The following SPTLC3 variants were observed in gnomAD, a reference collection of about 807,000 sequenced individuals.
The protein encoded by SPTLC3 is serine palmitoyltransferase long chain base subunit 3.
Under a neutral mutation model 59.3 loss-of-function variants are expected in SPTLC3, and 36 were observed. That is an observed-to-expected ratio of 0.61 (90% CI 0.47 to 0.80). The LOEUF is 0.80. Ranked by LOEUF, SPTLC3 falls within the 30% of genes least tolerant of loss-of-function variation. SPTLC3 has a pLI of 0.00. For missense variants in SPTLC3, 625 were observed against 685.1 expected, an observed-to-expected ratio of 0.91 and a Z score of 0.98; for synonymous variants, 257 against 240.8, an observed-to-expected ratio of 1.07 and a Z score of -0.62.
rs1600421222 is a variant in SPTLC3 at position 13,165,089 on chromosome 20, C to A, written c.*222C>A. On this transcript the variant is annotated 3_prime_UTR_variant, in exon 12 of 12. Coordinates refer to ENST00000399002, the MANE Select transcript of SPTLC3 (RefSeq NM_018327.4). ...TTAAGTCTCTCTTCTTCCAAGTATT[C>A]TACTAGAAATACACACACACACACA... The A allele has an allele frequency of 2.1e-6, 1 of 476,068 alleles. No individual in the cohort carries two copies. The highest frequency in any genetic ancestry group is 3.7e-6 in the Non-Finnish European group (1 of 271,200). 29.5% of individuals were successfully genotyped at this position (476,068 alleles called of 1,614,324 possible).
At position 13,169,066 on chromosome 20, in the gene SPTLC3, T is replaced by C. The variant is rs1256806398; in HGVS notation, c.*4199T>C. The C allele has an allele frequency of 1.3e-5, 2 of 152,038 alleles. No individual in the cohort carries two copies. Among genetic ancestry groups the C allele is most frequent in the Non-Finnish European group, 2.9e-5 (2 of 68,002 alleles). 9.4% of individuals were successfully genotyped at this position (152,038 alleles called of 1,614,324 possible). A position where few individuals can be genotyped will look rare whatever the true frequency, so the allele number is the denominator to read the frequency against. ...ATTTCACTTTATTGTGCCTGTAAAA[T>C]GTTAGTTTTAAAATAAATAAAAATA... On this transcript the variant is annotated 3_prime_UTR_variant, in exon 12 of 12. Coordinates refer to ENST00000399002, the MANE Select transcript of SPTLC3 (RefSeq NM_018327.4).
chr20:13,035,954 C>T (rs1463240103), intron 1 of SPTLC3, among the ~76,000 whole-genome samples: 2 of 152,160 alleles, frequency 1.3e-5, no homozygotes, highest in African/African-American at 4.8e-5. Flanking sequence ...TCTCATCATT[C>T]TTGCATCATT....
chr20:13,045,017 ACACACAC>A (rs760727141), intron 1 of SPTLC3, among the ~76,000 whole-genome samples: 18,730 of 151,858 alleles, frequency 0.12, 1,228 homozygotes, highest in Middle Eastern at 0.21. Flanking sequence ...ACACACACAC[ACACACAC>A]ACACACACAC....
At chr20:13,092,261 A>C (rs1359617742) in intron 5 of SPTLC3, among the ~76,000 whole-genome samples, 3 of 152,266 alleles carry the variant, frequency 2.0e-5, no homozygotes, top group Non-Finnish European at 4.4e-5. Flanking sequence ...CAGGTGCCAA[A>C]TGGCAATGAG....
chr20:13,123,388 G>T (rs536826669), intron 8 of SPTLC3, among the ~76,000 whole-genome samples: 17 of 151,542 alleles, frequency 1.1e-4, no homozygotes, highest in Non-Finnish European at 2.5e-4. Context: ...TGTACCAGAT[G>T]CTTTTCTAAG....
intron 3 of SPTLC3, 25 bp downstream of exon 3, chr20:13,072,435 T>A (rs1334897122): frequency 1.2e-5 from 19 of 1,534,398 alleles, no homozygotes; most frequent in Non-Finnish European, 1.6e-5. Flanking sequence ...TGGAGGGGAT[T>A]GGTGAAAAGA....
intron 1 of SPTLC3, among the ~76,000 whole-genome samples, chr20:13,030,039 T>C (rs188484834): frequency 3.3e-5 from 5 of 152,326 alleles, no homozygotes; most frequent in Admixed American, 2.0e-4. Context: ...AATTGGTTTA[T>C]TTTGATTCAA....
At chr20:13,060,396 AT>A (rs1987916490) in intron 2 of SPTLC3, among the ~76,000 whole-genome samples, 4 of 145,380 alleles carry the variant, frequency 2.8e-5, no homozygotes, top group African/African-American at 1.0e-4. Flanking sequence ...TTATTTATTT[AT>A]TTATTTATTT....
At chr20:13,066,347 C>T (rs1988210381) in intron 2 of SPTLC3, among the ~76,000 whole-genome samples, 1 of 152,112 alleles carries the variant, frequency 6.6e-6, no homozygotes, top group Admixed American at 6.6e-5. Context: ...GTGTTTTTGG[C>T]TCCTTTGTCG....
intron 1 of SPTLC3, among the ~76,000 whole-genome samples, chr20:13,039,006 C>A (rs1160105632): frequency 6.6e-6 from 1 of 152,068 alleles, no homozygotes; most frequent in Non-Finnish European, 1.5e-5. Context: ...ACATACTTTG[C>A]ATAATTTCAA....
intron 9 of SPTLC3, among the ~76,000 whole-genome samples, chr20:13,133,367 G>A (rs1268834613): frequency 6.6e-6 from 1 of 151,664 alleles, no homozygotes; most frequent in Non-Finnish European, 1.5e-5. Flanking sequence ...GCTGCATAAT[G>A]ACCCTGTAGT....
chr20:13,093,668 T>A (rs773296523), intron 6 of SPTLC3, 91 bp downstream of exon 6: 13 of 1,174,496 alleles, frequency 1.1e-5, no homozygotes, highest in Non-Finnish European at 1.6e-5. Flanking sequence ...CTCTTCAAGG[T>A]GACAACGTAG....
rs181649632 is a variant in SPTLC3 at position 13,031,845 on chromosome 20, T to C, written c.118-17100T>C. 3.3e-5 allele frequency among the ~76,000 whole-genome samples: 5 copies of C among 152,312 alleles called. No homozygotes were observed. In the East Asian group the frequency reaches 9.6e-4, roughly 29 times the overall value. ...ATGTCTTAAAGATCTAACTTTTATG[T>C]TTCTTTCGGGCTTTAACCCTGGTAT... is the stretch of plus-strand genomic sequence containing the variant. On this transcript the variant is annotated intron_variant, in intron 1 of 11. Transcript: ENST00000399002.
intron 6 of SPTLC3, among the ~76,000 whole-genome samples, chr20:13,109,363 G>C (rs1990093507): frequency 6.6e-6 from 1 of 152,166 alleles, no homozygotes; most frequent in African/African-American, 2.4e-5. Context: ...AGACTACATG[G>C]GTTCAAATCC....
chr20:13,164,581 T>A (rs1568636783), intron 11 of SPTLC3, 173 bp from the exon 12 acceptor site: 1 of 613,606 alleles, frequency 1.6e-6, no homozygotes, highest in South Asian at 2.0e-5. Context: ...AACATTCCTC[T>A]AGGGTCTTAA....
intron 6 of SPTLC3, among the ~76,000 whole-genome samples, chr20:13,096,591 A>G (rs565097564): frequency 6.6e-6 from 1 of 152,162 alleles, no homozygotes; most frequent in East Asian, 1.9e-4. Context: ...AAAATAGACA[A>G]AACTAATCTA....
intron 9 of SPTLC3, among the ~76,000 whole-genome samples, chr20:13,132,320 G>A (rs1268936563): frequency 1.3e-5 from 2 of 151,618 alleles, no homozygotes; most frequent in Non-Finnish European, 2.9e-5. Context: ...GGGACTACAG[G>A]AACCCACCGC....
At chr20:13,030,627 C>A (rs1986393203) in intron 1 of SPTLC3, among the ~76,000 whole-genome samples, 1 of 152,130 alleles carries the variant, frequency 6.6e-6, no homozygotes, top group Non-Finnish European at 1.5e-5. Flanking sequence ...ACCCCTGTTA[C>A]ATGTCAGACA....
At chr20:13,083,436 C>G (rs1015907953) in intron 4 of SPTLC3, among the ~76,000 whole-genome samples, 1 of 152,144 alleles carries the variant, frequency 6.6e-6, no homozygotes, top group Admixed American at 6.5e-5. Context: ...AATATAGAGC[C>G]TCTCATCTTA....
Sources: gnomAD v4.1 joint callset for allele counts (sites outside exome capture counted in the v4.1 genomes callset) on GRCh38, gnomAD v4.1.1 for gene constraint, MANE v1.5 for transcripts, NCBI Gene and HGNC (gene_info 2026-07-23, HGNC 2026-07-21) for gene names.